CXCL13: variants seen among roughly 807,000 people sequenced by gnomAD.
CXCL13 encodes C-X-C motif chemokine ligand 13.
A neutral mutation model predicts 12.2 loss-of-function variants in CXCL13; 7 were observed. The observed-to-expected ratio is 0.57, with a 90% CI of 0.33 to 1.07. CXCL13 has a LOEUF of 1.07. Among genes scored for constraint, CXCL13 ranks in the 50% least tolerant of loss-of-function variants. The pLI, the probability that CXCL13 is intolerant of heterozygous loss-of-function variation, is 0.04. For missense variants in CXCL13, 113 were observed against 127.4 expected (o/e 0.89, Z 0.55); for synonymous variants, 47 against 42.4 (o/e 1.11, Z -0.42).
chr4:77,515,187 C>T (rs934867746), intron 1 of CXCL13, among the ~76,000 whole-genome samples: 1 of 152,142 alleles, frequency 6.6e-6, no homozygotes, highest in Non-Finnish European at 1.5e-5. Flanking sequence ...AGTACCAGTG[C>T]CATGCTGTTT....
chr4:77,518,711 A>C (rs1289890578), intron 1 of CXCL13, among the ~76,000 whole-genome samples: 1 of 152,050 alleles, frequency 6.6e-6, no homozygotes, highest in Non-Finnish European at 1.5e-5. Flanking sequence ...TTTTTTTCTA[A>C]GTTTTTAACT....
intron 1 of CXCL13, among the ~76,000 whole-genome samples, chr4:77,531,644 G>A (rs1198811373): frequency 6.6e-6 from 1 of 151,900 alleles, no homozygotes; most frequent in South Asian, 2.1e-4. Flanking sequence ...GTGACAGTGG[G>A]GTATTAAAGT....
intron 1 of CXCL13, among the ~76,000 whole-genome samples, chr4:77,513,597 G>A (rs1724326617): frequency 1.3e-5 from 2 of 151,988 alleles, no homozygotes; most frequent in South Asian, 4.2e-4. Flanking sequence ...GACTACAGGT[G>A]CCCACCACCA....
intron 1 of CXCL13, among the ~76,000 whole-genome samples, chr4:77,590,773 C>T (rs140382157): frequency 6.6e-6 from 1 of 152,140 alleles, no homozygotes; most frequent in Admixed American, 6.5e-5. Flanking sequence ...TGCTCCAGGC[C>T]CCAGTACAGG....
intron 1 of CXCL13, among the ~76,000 whole-genome samples, chr4:77,542,390 C>T (rs1183680310): frequency 5.9e-5 from 9 of 151,968 alleles, no homozygotes; most frequent in Non-Finnish European, 1.3e-4. Flanking sequence ...TCCTTTGATA[C>T]CAAGTTTGTT....
chr4:77,512,322 G>C (rs1285025605), intron 1 of CXCL13, among the ~76,000 whole-genome samples: 1 of 152,166 alleles, frequency 6.6e-6, no homozygotes, highest in Admixed American at 6.6e-5. Context: ...GTATCAAAGA[G>C]TAAATTTATG....
chr4:77,571,649 A>G (rs1053660303), intron 1 of CXCL13, among the ~76,000 whole-genome samples: 10 of 151,764 alleles, frequency 6.6e-5, no homozygotes, highest in African/African-American at 2.2e-4. Context: ...TGCCCCGACA[A>G]AACAAGCCAC....
intron 1 of CXCL13, among the ~76,000 whole-genome samples, chr4:77,557,913 A>T (rs1413492861): frequency 6.6e-6 from 1 of 152,156 alleles, no homozygotes; most frequent in African/African-American, 2.4e-5. Flanking sequence ...CTACCTTGGC[A>T]ACTCTGGTAT....
At chr4:77,602,438 T>C (rs879940197), upstream of CXCL13, among the ~76,000 whole-genome samples, 7 of 152,244 alleles carry the variant, frequency 4.6e-5, no homozygotes, top group Non-Finnish European at 1.0e-4. Flanking sequence ...CAGCAAACTA[T>C]GCAGCTTATG....
intron 1 of CXCL13, among the ~76,000 whole-genome samples, chr4:77,556,038 A>T (rs1451076773): frequency 6.6e-6 from 1 of 152,212 alleles, no homozygotes; most frequent in Non-Finnish European, 1.5e-5. Context: ...CCACTTTAGA[A>T]AACAGTTGAA....
At chr4:77,521,533 G>C (rs1462474184) in intron 1 of CXCL13, among the ~76,000 whole-genome samples, 1 of 152,106 alleles carries the variant, frequency 6.6e-6, no homozygotes, top group Non-Finnish European at 1.5e-5. Flanking sequence ...TCTGATGGTA[G>C]TTTGTATTTC....
intron 1 of CXCL13, among the ~76,000 whole-genome samples, chr4:77,530,002 T>C (rs997886680): frequency 6.6e-6 from 1 of 152,244 alleles, no homozygotes; most frequent in Admixed American, 6.5e-5. Flanking sequence ...TTGAATTTTG[T>C]CAAAGGCCTT....
intron 1 of CXCL13, among the ~76,000 whole-genome samples, chr4:77,545,177 G>T (rs1437676631): frequency 6.6e-6 from 1 of 152,156 alleles, no homozygotes; most frequent in Non-Finnish European, 1.5e-5. Flanking sequence ...AAGTCAGGTA[G>T]GGTGATGCCT....
intron 1 of CXCL13, among the ~76,000 whole-genome samples, chr4:77,527,885 C>T (rs1010125639): frequency 2.0e-5 from 3 of 151,954 alleles, no homozygotes; most frequent in African/African-American, 4.8e-5. Flanking sequence ...CCCATCAACT[C>T]GTCATTTAAC....
At chr4:77,601,426 A>G (rs1395359019), upstream of CXCL13, among the ~76,000 whole-genome samples, 2 of 152,238 alleles carry the variant, frequency 1.3e-5, no homozygotes, top group Non-Finnish European at 2.9e-5. Flanking sequence ...GATGAAAAAA[A>G]ATAAAACACC....
intron 1 of CXCL13, among the ~76,000 whole-genome samples, chr4:77,513,884 C>T (rs1724337357): frequency 1.3e-5 from 2 of 150,696 alleles, no homozygotes; most frequent in Non-Finnish European, 2.9e-5. Flanking sequence ...ATACATGTGA[C>T]ATACTGGTGT....
Position 77,530,904 on chromosome 4 carries a change from G to A in CXCL13, c.-43+19116G>A, listed in dbSNP as rs1045820573. Among the ~76,000 whole-genome samples, 4 of 151,460 alleles carry A rather than the reference G, an allele frequency of 2.6e-5. No individual in the cohort carries two copies. In the South Asian group the frequency reaches 8.3e-4, roughly 32 times the overall value. ...TTGGATCTTTCCTGCTTTCTCTTGT[G>A]GGCATTTAGTGCTATAAATTTCCCT... On this transcript the variant is annotated intron_variant, in intron 1 of 4. Transcript: ENST00000286758.
rs574319774 is a variant in CXCL13, at chr4:77,523,027, A to G, written c.-43+11239A>G. 3.9e-5 allele frequency among the ~76,000 whole-genome samples: 6 copies of G among 152,324 alleles called. No homozygotes were observed. In the South Asian group the frequency reaches 1.2e-3, roughly 32 times the overall value. On this transcript the variant is annotated intron_variant, in intron 1 of 4. Coordinates refer to the CXCL13 transcript ENST00000286758. ...AAAATTCTTTTCTTTAAGAATGTTG[A>G]ATATTGGCCCCCACTCTCTTCTGGC...
At chr4:77,537,017 A>C (rs1238288225) in intron 1 of CXCL13, among the ~76,000 whole-genome samples, 1 of 152,208 alleles carries the variant, frequency 6.6e-6, no homozygotes, top group Non-Finnish European at 1.5e-5. Context: ...ATTAAAATCC[A>C]AGACAATGGT....
Sources: allele counts gnomAD v4.1 joint callset (sites outside exome capture counted in the v4.1 genomes callset), GRCh38; gene constraint gnomAD v4.1.1; transcripts MANE v1.5; gene names NCBI Gene and HGNC (gene_info 2026-07-23, HGNC 2026-07-21).